Variants in RANBP2 observed in about 807,000 individuals in gnomAD.
RANBP2 encodes RAN binding protein 2.
RANBP2 carries 57 observed loss-of-function variants against 303.6 expected under a neutral mutation model. The ratio of observed to expected loss-of-function variants is 0.19; its 90% CI spans 0.15 to 0.23. The LOEUF (loss-of-function observed/expected upper bound fraction) is 0.23, where lower values mean the gene tolerates loss of function less well. Ranked by LOEUF, RANBP2 falls within the 10% of genes least tolerant of loss-of-function variation. The pLI, the probability that RANBP2 is intolerant of heterozygous loss-of-function variation, is 1.00. For synonymous variants in RANBP2, 1,167 were observed against 1,301.5 expected, an observed-to-expected ratio of 0.90 and a Z score of 2.23; for missense variants, 3,138 against 3,780.8, an observed-to-expected ratio of 0.83 and a Z score of 4.46.
the RANBP2 span, among the ~76,000 whole-genome samples, chr2:108,966,596 G>A: frequency 2.0e-5 from 3 of 152,190 alleles, no homozygotes; most frequent in Admixed American, 6.5e-5. Flanking sequence ...AGAGTTCTAC[G>A]GTGCCCAAGT....
the RANBP2 span, among the ~76,000 whole-genome samples, chr2:108,919,328 C>T: frequency 7.0e-3 from 1,065 of 152,226 alleles, 13 homozygotes; most frequent in African/African-American, 0.024. Flanking sequence ...CAGGCTATTG[C>T]GTTCTTTCAT....
chr2:109,595,423 C>G, the RANBP2 span, among the ~76,000 whole-genome samples: 1 of 152,182 alleles, frequency 6.6e-6, no homozygotes, highest in Non-Finnish European at 1.5e-5. Context: ...CACTTACACC[C>G]TGCCATTCTG....
chr2:109,166,150 T>C, the RANBP2 span, among the ~76,000 whole-genome samples: 1 of 152,166 alleles, frequency 6.6e-6, no homozygotes, highest in Non-Finnish European at 1.5e-5. Flanking sequence ...CTTCTTAATA[T>C]GGTTGGCTTT....
At chr2:109,632,044 C>T in the RANBP2 span, among the ~76,000 whole-genome samples, 7,102 of 152,092 alleles carry the variant, frequency 0.047, 628 homozygotes, top group East Asian at 0.24. Flanking sequence ...ATCACAGGTT[C>T]AGTAGTTTAA....
chr2:109,677,064 A>G, the RANBP2 span, among the ~76,000 whole-genome samples: 1 of 152,220 alleles, frequency 6.6e-6, no homozygotes, highest in Non-Finnish European at 1.5e-5. Flanking sequence ...CCCGATGGGC[A>G]GATGGGCCCT....
At chr2:109,106,207 G>T in the RANBP2 span, among the ~76,000 whole-genome samples, 1 of 152,028 alleles carries the variant, frequency 6.6e-6, no homozygotes. Flanking sequence ...TCTAAAACTT[G>T]CTTCAATTTC....
chr2:109,532,666 G>A, the RANBP2 span, among the ~76,000 whole-genome samples: 3 of 152,146 alleles, frequency 2.0e-5, no homozygotes, highest in Admixed American at 2.0e-4. Flanking sequence ...AAAGGCCTCG[G>A]GAGAGAGAGC....
chr2:109,063,061 G>A, the RANBP2 span, among the ~76,000 whole-genome samples: 25 of 152,142 alleles, frequency 1.6e-4, no homozygotes, highest in South Asian at 1.4e-3. Context: ...TCCTCGCCTT[G>A]TCCACCTGCT....
the RANBP2 span, among the ~76,000 whole-genome samples, chr2:109,211,586 G>A: frequency 1.3e-5 from 2 of 152,160 alleles, no homozygotes; most frequent in Non-Finnish European, 2.9e-5. Flanking sequence ...GGAGAGCACA[G>A]CAGTGGGGAG....
the RANBP2 span, among the ~76,000 whole-genome samples, chr2:109,179,649 T>C: frequency 1.3e-5 from 2 of 152,172 alleles, no homozygotes; most frequent in Non-Finnish European, 2.9e-5. Context: ...GGCAAGAATG[T>C]GCTAGCTAAG....
At chr2:109,519,055 A>G in the RANBP2 span, among the ~76,000 whole-genome samples, 7 of 150,568 alleles carry the variant, frequency 4.6e-5, no homozygotes, top group Non-Finnish European at 8.8e-5. Flanking sequence ...AGTATCTGGG[A>G]TTACAGGTGC....
the RANBP2 span, among the ~76,000 whole-genome samples, chr2:109,702,324 A>G: frequency 6.6e-6 from 1 of 152,210 alleles, no homozygotes; most frequent in African/African-American, 2.4e-5. Flanking sequence ...GAAAGAGGAG[A>G]TGAAGAGACT....
chr2:108,799,882 C>T, the RANBP2 span, among the ~76,000 whole-genome samples: 1 of 151,924 alleles, frequency 6.6e-6, no homozygotes, highest in African/African-American at 2.4e-5. Flanking sequence ...TTTTAATCTC[C>T]ATGTTGCTAT....
intron 25 of RANBP2, among the ~76,000 whole-genome samples, chr2:108,780,899 G>A (rs545698230): frequency 1.1e-4 from 16 of 152,182 alleles, no homozygotes; most frequent in African/African-American, 3.1e-4. Context: ...AGTAGAGACG[G>A]GGTTTCTCCA....
the RANBP2 span, among the ~76,000 whole-genome samples, chr2:109,669,522 G>C: frequency 6.6e-6 from 1 of 152,188 alleles, no homozygotes; most frequent in African/African-American, 2.4e-5. Flanking sequence ...AAAATGAACA[G>C]AAGATCTGAA....
the RANBP2 span, among the ~76,000 whole-genome samples, chr2:109,031,695 C>T: frequency 6.6e-6 from 1 of 152,172 alleles, no homozygotes; most frequent in African/African-American, 2.4e-5. Flanking sequence ...CCACGTGGGC[C>T]GGGCTCTGCC....
chr2:109,325,832 G>C, the RANBP2 span, among the ~76,000 whole-genome samples: 1 of 152,206 alleles, frequency 6.6e-6, no homozygotes, highest in African/African-American at 2.4e-5. Flanking sequence ...GGCCCGAGCA[G>C]GGACCACACC....
chr2:109,379,403 C>T, the RANBP2 span, among the ~76,000 whole-genome samples: 420 of 152,290 alleles, frequency 2.8e-3, no homozygotes, highest in Non-Finnish European at 5.2e-3. Flanking sequence ...AAGCCCGTCC[C>T]GTGGTCCCAC....
At chr2:108,910,893 G>T in the RANBP2 span, 2 of 1,613,962 alleles carry the variant, frequency 1.2e-6, no homozygotes, top group African/African-American at 1.3e-5. Context: ...TCTCCGACAG[G>T]GGGAGTTGAC....
Sources: gnomAD v4.1 joint callset for allele counts (sites outside exome capture counted in the v4.1 genomes callset) on GRCh38, gnomAD v4.1.1 for gene constraint, MANE v1.5 for transcripts, NCBI Gene and HGNC (gene_info 2026-07-23, HGNC 2026-07-21) for gene names.